The following EPHA6 variants were observed in gnomAD, a reference collection of about 807,000 sequenced individuals.
The protein encoded by EPHA6 is ephrin type-A receptor 6.
In EPHA6, 50 loss-of-function variants were observed where a neutral mutation model predicts 112.0. The ratio of observed to expected loss-of-function variants is 0.45; its 90% CI spans 0.36 to 0.56. EPHA6 has a LOEUF of 0.56. Ranked by LOEUF, EPHA6 falls within the 20% of genes least tolerant of loss-of-function variation. The pLI, the probability that EPHA6 is intolerant of heterozygous loss-of-function variation, is 0.00. For synonymous variants in EPHA6, 529 were observed against 490.7 expected, an observed-to-expected ratio of 1.08 and a Z score of -1.03; for missense variants, 1,280 against 1,417.4, an observed-to-expected ratio of 0.90 and a Z score of 1.56.
At chr3:97,513,234 T>C (rs1275043605) in intron 10 of EPHA6, among the ~76,000 whole-genome samples, 1 of 152,144 alleles carries the variant, frequency 6.6e-6, no homozygotes, top group Admixed American at 6.6e-5. Flanking sequence ...TAGACAACAG[T>C]GTGGAAGTTC....
chr3:97,592,343 T>C lies in EPHA6; in HGVS notation c.2387-269T>C, dbSNP rs184511994. Reference sequence around the variant, plus strand: ...CCATTTTATTATTCCATGCACAGCTTTATGTTCTAAATGTAGGTTTGGAAA... The same window carrying C: ...CCATTTTATTATTCCATGCACAGCTCTATGTTCTAAATGTAGGTTTGGAAA... On this transcript the variant is annotated intron_variant, in intron 11 of 17. Transcript: ENST00000389672. Among the ~76,000 whole-genome samples the C allele has an allele frequency of 2.6e-5, 4 of 152,306 alleles. No individual in the cohort carries two copies. In the East Asian group the frequency reaches 7.7e-4, roughly 29 times the overall value.
chr3:97,506,931 C>T (rs192569578), intron 10 of EPHA6, among the ~76,000 whole-genome samples: 230 of 152,112 alleles, frequency 1.5e-3, no homozygotes, highest in African/African-American at 5.3e-3. Flanking sequence ...CCTTTGTAGT[C>T]ATGCGAGTGG....
intron 5 of EPHA6, among the ~76,000 whole-genome samples, chr3:97,390,777 G>A (rs1386889046): frequency 6.6e-6 from 1 of 152,002 alleles, no homozygotes; most frequent in Admixed American, 6.6e-5. Flanking sequence ...AGGAAAAGGA[G>A]ATGACAGTTC....
intron 5 of EPHA6, among the ~76,000 whole-genome samples, chr3:97,382,661 A>G (rs899590996): frequency 1.3e-5 from 2 of 152,158 alleles, no homozygotes; most frequent in South Asian, 2.1e-4. Context: ...CGACTCTTAC[A>G]AAGATGGATC....
intron 14 of EPHA6, among the ~76,000 whole-genome samples, chr3:97,664,161 T>C (rs868672851): frequency 2.3e-4 from 35 of 152,298 alleles, no homozygotes; most frequent in African/African-American, 7.2e-4. Flanking sequence ...TCATATCCTT[T>C]GCCCACTTTT....
chr3:97,137,726 G>T (rs923134305), intron 3 of EPHA6, among the ~76,000 whole-genome samples: 1 of 151,990 alleles, frequency 6.6e-6, no homozygotes, highest in African/African-American at 2.4e-5. Flanking sequence ...CTAGACATTG[G>T]TTTTACCAAC....
intron 4 of EPHA6, among the ~76,000 whole-genome samples, chr3:97,242,082 G>C (rs2078865228): frequency 6.6e-6 from 1 of 151,450 alleles, no homozygotes; most frequent in South Asian, 2.1e-4. Flanking sequence ...TAAACCCTAT[G>C]GAATATGAAA....
chr3:97,097,448 T>C (rs1245967847), intron 3 of EPHA6, among the ~76,000 whole-genome samples: 7 of 151,750 alleles, frequency 4.6e-5, no homozygotes, highest in Non-Finnish European at 1.0e-4. Context: ...GGTTTTACAT[T>C]GAAAGCATTG....
chr3:97,636,760 C>A, intron 13 of EPHA6, among the ~76,000 whole-genome samples: 1 of 152,034 alleles, frequency 6.6e-6, no homozygotes, highest in East Asian at 1.9e-4. Context: ...TCTGCTTTAA[C>A]TTTTAAAATT....
chr3:97,216,134 C>A (rs1347154777), intron 3 of EPHA6, among the ~76,000 whole-genome samples: 1 of 152,146 alleles, frequency 6.6e-6, no homozygotes, highest in African/African-American at 2.4e-5. Context: ...GCTCATGATT[C>A]TTCTGGCAGT....
chr3:96,904,340 A>G (rs1275954662), intron 2 of EPHA6, among the ~76,000 whole-genome samples: 1 of 151,636 alleles, frequency 6.6e-6, no homozygotes, highest in Non-Finnish European at 1.5e-5. Context: ...CATCATTCTC[A>G]GCAAACTACT....
intron 3 of EPHA6, among the ~76,000 whole-genome samples, chr3:97,062,981 C>A (rs1229476134): frequency 6.6e-6 from 1 of 151,222 alleles, no homozygotes; most frequent in Non-Finnish European, 1.5e-5. Flanking sequence ...TAGGTAAATG[C>A]AAATCAAAAC....
rs952047583 is a variant in EPHA6, at chr3:97,634,114, C to G, written c.2575-3759C>G. On this transcript the variant is annotated intron_variant, in intron 13 of 17. Coordinates refer to ENST00000389672, the MANE Select transcript of EPHA6 (RefSeq NM_001080448.3). ...ATAAGAATACAGGCTCTGTCATTGC[C>G]TGGATTCAAATCCGGACTCCACCAC... Among the ~76,000 whole-genome samples the G allele has an allele frequency of 9.2e-5, 14 of 152,176 alleles. No homozygotes were observed. In the South Asian group the frequency reaches 1.2e-3, roughly 14 times the overall value.
intron 13 of EPHA6, among the ~76,000 whole-genome samples, chr3:97,635,635 G>A (rs1195301909): frequency 6.6e-6 from 1 of 152,040 alleles, no homozygotes; most frequent in African/African-American, 2.4e-5. Context: ...GGTTGCCCGG[G>A]GTGGTGGGAG....
At chr3:97,709,155 CAAAAA>C (rs34571358) in intron 14 of EPHA6, among the ~76,000 whole-genome samples, 1 of 117,330 alleles carries the variant, frequency 8.5e-6, no homozygotes, top group Non-Finnish European at 1.8e-5. Context: ...CCATGCAAGT[CAAAAA>C]AAAAAAAAAA....
intron 11 of EPHA6, among the ~76,000 whole-genome samples, chr3:97,574,719 A>G (rs2093366539): frequency 6.6e-6 from 1 of 152,174 alleles, no homozygotes; most frequent in African/African-American, 2.4e-5. Flanking sequence ...AGACAAAAAT[A>G]TGAGCAGCTA....
intron 3 of EPHA6, among the ~76,000 whole-genome samples, chr3:97,129,901 A>C (rs1436106098): frequency 6.6e-6 from 1 of 152,144 alleles, no homozygotes; most frequent in Non-Finnish European, 1.5e-5. Context: ...GAAGACTATC[A>C]GATATTGAGG....
Position 97,173,812 on chromosome 3 carries a change from A to T in EPHA6, c.1115-52452A>T, listed in dbSNP as rs114207243. ...GTACATGAGATGTTTTGACACAGGG[A>T]TGCAGTGTAAAATAAGCCCATCATG... On this transcript the variant is annotated intron_variant, in intron 3 of 17. Transcript: ENST00000389672. Among the ~76,000 whole-genome samples the T allele has an allele frequency of 6.2e-3, 944 of 151,960 alleles. 8 individuals are homozygous for T. Among genetic ancestry groups the T allele is most frequent in the African/African-American group, 0.022 (902 of 41,518 alleles).
At chr3:97,212,083 G>A (rs1343259233) in intron 3 of EPHA6, among the ~76,000 whole-genome samples, 1 of 152,004 alleles carries the variant, frequency 6.6e-6, no homozygotes, top group African/African-American at 2.4e-5. Flanking sequence ...TAAAGAGTAT[G>A]CAATAAAGAA....
Sources: allele counts gnomAD v4.1 joint callset (sites outside exome capture counted in the v4.1 genomes callset), GRCh38; gene constraint gnomAD v4.1.1; transcripts MANE v1.5; gene names NCBI Gene and HGNC (gene_info 2026-07-23, HGNC 2026-07-21).